Variants in MYH7 observed in about 807,000 individuals in gnomAD.
MYH7 encodes myosin-7.
MYH7 carries 129 observed loss-of-function variants against 225.4 expected under a neutral mutation model. The observed-to-expected ratio is 0.57, with a 90% confidence interval of 0.50 to 0.66. The LOEUF is 0.66. MYH7 is among the 30% of genes least tolerant of loss of function. The probability of loss-of-function intolerance (pLI) is 0.00; values close to 1 mark genes in which losing one functional copy is unlikely to be tolerated. For synonymous variants in MYH7, 971 were observed against 1,007.6 expected, an observed-to-expected ratio of 0.96 and a Z score of 0.69; for missense variants, 1,649 against 2,517.0, an observed-to-expected ratio of 0.66 and a Z score of 7.38.
rs1243165126 is a variant in MYH7 at position 23,427,664 on chromosome 14, C to A, written c.1809G>T (p.Glu603Asp). The A allele has an allele frequency of 6.2e-7, 1 of 1,614,230 alleles. No individual in the cohort carries two copies. Among genetic ancestry groups the A allele is most frequent in the Admixed American group, 1.7e-5 (1 of 60,020 alleles). Residue 603 changes from glutamate (E) to aspartate (D), a missense_variant, in exon 16 of 40, where the codon GAG (glutamate) becomes GAT (aspartate). This residue lies in a region of MYH7 where 112 missense variants were observed against 161.9 expected (regional missense o/e 0.69). Transcript: ENST00000355349. ...ACTTCTGATACAAGCCCACGACAGT[C>A]TCATTGAGAGGATCCTTGTTCTTCT... ...WLQKNKDPLN[E>D]TVVGLYQKSS... is the part of the protein sequence containing the mutation.
Position 23,415,886 on chromosome 14 carries a change from T to C in MYH7, c.4954-54A>G. 1 of 1,613,404 alleles carries C rather than the reference T, an allele frequency of 6.2e-7. No individual in the cohort carries two copies. The highest frequency in any genetic ancestry group is 8.5e-7 in the Non-Finnish European group (1 of 1,179,548). On this transcript the variant is annotated intron_variant, in intron 34 of 39. Transcript: ENST00000355349. The surrounding 1 kb of genome is among the most constrained non-coding windows in gnomAD (Gnocchi z 6.3). ...GGGAGCCAGCCTCGGTTCCCTTCAC[T>C]AAAGGCACCTGTCAGAGGTCCCTGC...
At position 23,427,841 on chromosome 14, in the gene MYH7, G is replaced by A. The variant is rs587781089; in HGVS notation, c.1632C>T (p.Thr544=). The A allele has an allele frequency of 2.7e-5, 44 of 1,614,060 alleles. No individual in the cohort carries two copies. The highest frequency in any genetic ancestry group is 3.2e-5 in the Non-Finnish European group (38 of 1,180,040). Reference sequence around the variant, plus strand: ...ACAGCTTGGCCTTGAAGGTCATGTCGGTGGCCTTGGGGAACATGCACTCCT... The same window carrying A: ...ACAGCTTGGCCTTGAAGGTCATGTCAGTGGCCTTGGGGAACATGCACTCCT... The part of the protein sequence containing the change: ...LEEECMFPKA[T]DMTFKAKLFD... The change falls in exon 16 of 40, where the codon ACC becomes ACT. Residue 544 remains threonine, a synonymous_variant. Coordinates refer to ENST00000355349, the MANE Select transcript of MYH7 (RefSeq NM_000257.4).
intron 22 of MYH7, among the ~76,000 whole-genome samples, chr14:23,424,411 T>G (rs988589732): frequency 6.6e-6 from 1 of 152,210 alleles, no homozygotes; most frequent in Non-Finnish European, 1.5e-5. Flanking sequence ...GGGTGGGAAT[T>G]GCATTTGCTG....
At chr14:23,422,156 G>A (rs369268274) in intron 25 of MYH7, 24 bp downstream of exon 25, 12 of 1,611,542 alleles carry the variant, frequency 7.4e-6, no homozygotes, top group African/African-American at 5.3e-5. Flanking sequence ...GAGGAGGAAG[G>A]GCAGCAGGGA....
In MYH7 at chr14:23,415,755, G is replaced by A; in HGVS notation, c.5031C>T (p.Arg1677=). The A allele has an allele frequency of 6.2e-7, 1 of 1,614,200 alleles. No homozygotes were observed. Residue 1677 remains arginine (R), a synonymous_variant, in exon 35 of 40, where the codon CGC becomes CGT. Coordinates refer to ENST00000355349, the MANE Select transcript of MYH7 (RefSeq NM_000257.4). This position sits in a 1 kb window ranked among gnomAD's most constrained non-coding sequence, Gnocchi z 6.3. Reference sequence around the variant, plus strand: ...CCAGCTCAGCCTGCAGCAGGTTGTTGCGCCGCTCCACGATGGCGATGTTCT... The same window carrying A: ...CCAGCTCAGCCTGCAGCAGGTTGTTACGCCGCTCCACGATGGCGATGTTCT... ...LKENIAIVER[R]NNLLQAELEE... is the part of the protein sequence containing the mutation.
intron 18 of MYH7, 63 bp downstream of exon 18, chr14:23,426,714 G>A: frequency 6.9e-7 from 1 of 1,440,976 alleles, no homozygotes; most frequent in Non-Finnish European, 9.8e-7. Context: ...AGATGTCCTA[G>A]GAGGTCCTGT....
At chr14:23,421,691 T>C in intron 25 of MYH7, 3 of 940,932 alleles carry the variant, frequency 3.2e-6, no homozygotes, top group Non-Finnish European at 3.8e-6. Context: ...GGAAAGTCTA[T>C]ACATTTTGGA....
At chr14:23,424,170 G>C (rs371129882) in intron 22 of MYH7, 21 bp from the exon 23 acceptor site, 2 of 1,613,972 alleles carry the variant, frequency 1.2e-6, no homozygotes, top group Admixed American at 1.7e-5. Flanking sequence ...GGAACAGAGG[G>C]GAGGCTGTTC....
chr14:23,425,335 G>A lies in MYH7; in HGVS notation c.2370C>T (p.Ala790=). The change falls in exon 21 of 40, where the codon GCC becomes GCT. Residue 790 remains alanine, a synonymous_variant. Coordinates refer to ENST00000355349, the MANE Select transcript of MYH7 (RefSeq NM_000257.4). This position sits in a 1 kb window ranked among gnomAD's most constrained non-coding sequence, Gnocchi z 4.6. ...RLSRIITRIQ[A]QSRGVLARME... ...TTCTGGCGAGCACACCTCGGGACTGGGCCTGGATACGCGTGATGATGCGGC... is the reference window on the plus strand; with the variant it reads ...TTCTGGCGAGCACACCTCGGGACTGAGCCTGGATACGCGTGATGATGCGGC... 1 of 1,614,122 alleles carries A rather than the reference G, an allele frequency of 6.2e-7. No individual in the cohort carries two copies. The highest frequency in any genetic ancestry group is 8.5e-7 in the Non-Finnish European group (1 of 1,180,024).
chr14:23,431,129 C>G, intron 9 of MYH7, 130 bp from the exon 10 acceptor site: 1 of 746,306 alleles, frequency 1.3e-6, no homozygotes, highest in Non-Finnish European at 2.4e-6. Flanking sequence ...TGGACAGACA[C>G]AAAGAGATCA....
chr14:23,420,869 T>C, intron 26 of MYH7, 89 bp downstream of exon 26: 1 of 962,456 alleles, frequency 1.0e-6, no homozygotes, highest in African/African-American at 1.6e-5. Flanking sequence ...GTTCCTGTAA[T>C]GCTGTGAACA....
In MYH7 at chr14:23,417,623, G is replaced by T; in HGVS notation, c.4233C>A (p.Cys1411Ter). Residue 1411 changes from cysteine (C) to a stop codon, truncating the protein, a stop_gained, in exon 31 of 40, where the codon TGC becomes TGA. Transcript: ENST00000355349. LOFTEE classifies it high-confidence loss of function. ...EEAVEAVNAK[C>*]SSLEKTKHRL... ...GGTGCTTGGTCTTCTCCAGCGAGGA[G>T]CACTTGGCATTAACAGCCTCCACGG... The T allele has an allele frequency of 1.1e-5, 18 of 1,612,992 alleles. No individual in the cohort carries two copies. The highest frequency in any genetic ancestry group is 1.5e-5 in the Non-Finnish European group (18 of 1,180,038).
Position 23,424,008 on chromosome 14 carries a change from G to C in MYH7, c.2821C>G (p.Arg941Gly). The stretch of plus-strand genomic sequence containing the variant: ...TCTGAGCACTCATCTTCCAGCTTGC[G>C]CTTCTTGGCAGTGAGCTCAGCATTC... ...EMNAELTAKK[R>G]KLEDECSELK... Residue 941 changes from arginine (R) to glycine (G), a missense_variant, in exon 23 of 40, where the codon CGC (arginine) becomes GGC (glycine). Arg to Gly is a moderately radical substitution (Grantham distance 125). Transcript: ENST00000355349. 2 of 1,614,194 alleles carry C rather than the reference G, an allele frequency of 1.2e-6. No individual in the cohort carries two copies. Among genetic ancestry groups the C allele is most frequent in the Non-Finnish European group, 1.7e-6 (2 of 1,180,044 alleles).
rs1292983681 is a variant in MYH7 at position 23,420,232 on chromosome 14, T to C, written c.3339A>G (p.Ala1113=). 1.2e-6 allele frequency: 2 copies of C among 1,609,586 alleles called. No homozygotes were observed. The highest frequency in any genetic ancestry group is 2.2e-5 in the East Asian group (1 of 44,752). ...QLQKKLKELQ[A]RIEELEEELE... is the part of the protein sequence containing the mutation. Reference sequence around the variant, plus strand: ...GCTCCTCCTCCAGCTCCTCGATGCGTGCCTGGTCAGACACAAAGGGCTCAG... The same window carrying C: ...GCTCCTCCTCCAGCTCCTCGATGCGCGCCTGGTCAGACACAAAGGGCTCAG... The change falls in exon 27 of 40, where the codon GCA becomes GCG. Residue 1113 remains alanine (A), a splice_region_variant and synonymous_variant. Transcript: ENST00000355349.
At position 23,432,519 on chromosome 14, in the gene MYH7, G is replaced by T; in HGVS notation, c.503-13C>A. ...TGGTTTTCTCTGTCTGTGGGGAGAG[G>T]GTGGGGAGGAAAGGTCAGGAGCTGC... On this transcript the variant is annotated splice_polypyrimidine_tract_variant and intron_variant, in intron 5 of 39. Coordinates refer to ENST00000355349, the MANE Select transcript of MYH7 (RefSeq NM_000257.4). 4.3e-6 allele frequency: 7 copies of T among 1,614,122 alleles called. No homozygotes were observed. The highest frequency in any genetic ancestry group is 5.9e-6 in the Non-Finnish European group (7 of 1,180,012).
intron 29 of MYH7, 129 bp from the exon 30 acceptor site, chr14:23,418,535 C>T: frequency 1.8e-6 from 2 of 1,126,836 alleles, no homozygotes; most frequent in Non-Finnish European, 2.4e-6. Context: ...CCCAGTGGAC[C>T]TGTCATGGTT....
Position 23,429,358 on chromosome 14 carries a change from A to G in MYH7, c.1139-11T>C, listed in dbSNP as rs367562915. The G allele has an allele frequency of 2.5e-6, 4 of 1,611,350 alleles. No homozygotes were observed. Among genetic ancestry groups the G allele is most frequent in the Non-Finnish European group, 3.4e-6 (4 of 1,177,500 alleles). On this transcript the variant is annotated splice_polypyrimidine_tract_variant and intron_variant, in intron 12 of 39. Coordinates refer to ENST00000355349, the MANE Select transcript of MYH7 (RefSeq NM_000257.4). ...CAGACTTGTCAGCCTCTGGAAGGAA[A>G]AGGCAAGTAGCAAAGTTGGTAAAGA...
chr14:23,430,998 A>G lies in MYH7; in HGVS notation c.798T>C (p.Tyr266=). ...AAATAACTCTGGATTTTTCCAGAAG[A>G]TCTGTGAACAGGTGGGGAGAAGAAG... is the stretch of plus-strand genomic sequence containing the variant. ...GKLASADIET[Y]LLEKSRVIFQ... is the part of the protein sequence containing the mutation. Residue 266 remains tyrosine (Y), a splice_region_variant and synonymous_variant, in exon 10 of 40, where the codon TAT becomes TAC. Transcript: ENST00000355349. 6.2e-7 allele frequency: 1 copy of G among 1,606,340 alleles called. No individual in the cohort carries two copies.
rs150885220 is a variant in MYH7, at chr14:23,429,256, G to T, written c.1230C>A (p.Tyr410Ter). The T allele has an allele frequency of 1.2e-6, 2 of 1,614,090 alleles. No individual in the cohort carries two copies. Residue 410 changes from tyrosine (Y) to a stop codon, truncating the protein, a stop_gained, in exon 13 of 40, where the codon TAC becomes TAA. Transcript: ENST00000355349. LOFTEE classifies it high-confidence loss of function. ...CHPRVKVGNE[Y>*]VTKGQNVQQV... The stretch of plus-strand genomic sequence containing the variant: ...GCTGGACATTCTGCCCCTTGGTGAC[G>T]TACTCATTGCCCACTTTCACCCGAG...
Sources: allele counts gnomAD v4.1 joint callset (sites outside exome capture counted in the v4.1 genomes callset), GRCh38; gene constraint gnomAD v4.1.1; regional missense constraint gnomAD v4.1.1; non-coding constraint Gnocchi (gnomAD v3.1); transcripts MANE v1.5; gene names NCBI Gene and HGNC (gene_info 2026-07-23, HGNC 2026-07-21).